ADD2: variants seen among roughly 807,000 people sequenced by gnomAD.
ADD2 encodes adducin 2, also known as beta-adducin.
ADD2 carries 23 observed loss-of-function variants against 83.0 expected under a neutral mutation model. That is an observed-to-expected ratio of 0.28 (90% CI 0.20 to 0.39). ADD2 has a LOEUF of 0.39. Among genes scored for constraint, ADD2 ranks in the 10% least tolerant of loss-of-function variants. ADD2 has a pLI of 1.00. For missense variants in ADD2, 758 were observed against 944.9 expected (o/e 0.80, Z 2.59); for synonymous variants, 375 against 375.4 (o/e 1.00, Z 0.01).
At chr2:70,683,794 G>GCC in intron 9 of ADD2, 27 bp from the exon 10 acceptor site, 1 of 1,597,148 alleles carries the variant, frequency 6.3e-7, no homozygotes, top group Non-Finnish European at 8.6e-7. Flanking sequence ...AGAGCCCTCA[G>GCC]CCCATGTGCA....
chr2:70,673,386 G>T (rs782540090), intron 14 of ADD2: 12 of 1,479,888 alleles, frequency 8.1e-6, no homozygotes, highest in Middle Eastern at 2.2e-4. Flanking sequence ...ACGGGTAAGA[G>T]GTGGACCCAC....
intron 1 of ADD2, 131 bp from the exon 2 acceptor site, chr2:70,713,315 T>C (rs56112960): frequency 0.044 from 13,240 of 297,866 alleles, 419 homozygotes; most frequent in Non-Finnish European, 0.056. Flanking sequence ...AAATTATGCC[T>C]TTAAAAAGGT....
At chr2:70,673,191 G>A (rs782047920) in intron 14 of ADD2, 185 bp from the exon 15 acceptor site, 2 of 1,597,518 alleles carry the variant, frequency 1.3e-6, no homozygotes, top group Admixed American at 1.7e-5. Flanking sequence ...TCCCTGGGAA[G>A]GCCAATGGGA....
At chr2:70,732,022 C>T (rs1673307747) in intron 1 of ADD2, among the ~76,000 whole-genome samples, 1 of 152,178 alleles carries the variant, frequency 6.6e-6, no homozygotes, top group South Asian at 2.1e-4. Context: ...CACTGATATT[C>T]TGTGGGACCT....
chr2:70,726,043 C>T (rs10202638), intron 1 of ADD2, among the ~76,000 whole-genome samples: 40,100 of 151,168 alleles, frequency 0.27, 6,320 homozygotes, highest in African/African-American at 0.45. Flanking sequence ...AAAAATTAGC[C>T]GGGCGTAGTG....
At position 70,706,474 on chromosome 2, in the gene ADD2, G is replaced by GT; in HGVS notation, c.-34-33dup. 4.6e-6 allele frequency: 7 copies of GT among 1,533,344 alleles called. No homozygotes were observed. The highest frequency in any genetic ancestry group is 6.1e-6 in the Non-Finnish European group (7 of 1,140,546). 95.0% of individuals were successfully genotyped at this position (1,533,344 alleles called of 1,614,324 possible). On this transcript the variant is annotated intron_variant, in intron 2 of 15. Transcript: ENST00000264436. This position sits in a 1 kb window ranked among gnomAD's most constrained non-coding sequence, Gnocchi z 5.0. ...AGAAGGGGAGAGGGTATGCGGTCAG[G>GT]TTGGTGCTCCCCATCGGGGTACACG... is the stretch of plus-strand genomic sequence containing the variant.
intron 2 of ADD2, among the ~76,000 whole-genome samples, chr2:70,708,454 T>A (rs1672016386): frequency 6.6e-6 from 1 of 152,226 alleles, no homozygotes; most frequent in Non-Finnish European, 1.5e-5. Context: ...TAATCCCTAG[T>A]GAGCAGCCTC....
chr2:70,741,590 G>T (rs544846849), intron 1 of ADD2, among the ~76,000 whole-genome samples: 2 of 152,134 alleles, frequency 1.3e-5, no homozygotes, highest in African/African-American at 4.8e-5. Context: ...ATTCCCATAC[G>T]TATTTTTCTA....
At chr2:70,744,032 G>A (rs979479250) in intron 1 of ADD2, among the ~76,000 whole-genome samples, 4 of 152,164 alleles carry the variant, frequency 2.6e-5, no homozygotes, top group African/African-American at 9.7e-5. Context: ...CAGGTAAGGA[G>A]CTTATTTTTA....
At chr2:70,755,647 A>G (rs1286188175) in intron 1 of ADD2, among the ~76,000 whole-genome samples, 4 of 152,200 alleles carry the variant, frequency 2.6e-5, no homozygotes, top group African/African-American at 9.7e-5. Flanking sequence ...CTCATCATCT[A>G]GTACACCTCC....
chr2:70,723,610 C>T (rs1288192037), intron 1 of ADD2, among the ~76,000 whole-genome samples: 2 of 152,212 alleles, frequency 1.3e-5, no homozygotes, highest in African/African-American at 4.8e-5. Context: ...ACTTTTCCGT[C>T]TGAGCAGGTA....
chr2:70,728,083 A>G (rs1324106979), intron 1 of ADD2, among the ~76,000 whole-genome samples: 1 of 152,158 alleles, frequency 6.6e-6, no homozygotes, highest in Non-Finnish European at 1.5e-5. Context: ...AAGTGGATTT[A>G]GAAGAAACAC....
At chr2:70,685,528 C>A (rs1018240069) in intron 9 of ADD2, among the ~76,000 whole-genome samples, 1 of 152,162 alleles carries the variant, frequency 6.6e-6, no homozygotes, top group African/African-American at 2.4e-5. Flanking sequence ...CACCAGGCTG[C>A]CCAGGTTTGA....
At chr2:70,754,106 G>A (rs561358511) in intron 1 of ADD2, among the ~76,000 whole-genome samples, 2 of 152,248 alleles carry the variant, frequency 1.3e-5, no homozygotes, top group East Asian at 3.9e-4. Context: ...TCAAGGGAGG[G>A]AGTTCCTACA....
chr2:70,763,720 CCATG>C (rs1234135646), intron 1 of ADD2, among the ~76,000 whole-genome samples: 1 of 151,820 alleles, frequency 6.6e-6, no homozygotes, highest in Non-Finnish European at 1.5e-5. Flanking sequence ...TATAATATCA[CCATG>C]CAATCAATGC....
chr2:70,715,659 C>G (rs1672424749), intron 1 of ADD2, among the ~76,000 whole-genome samples: 1 of 152,158 alleles, frequency 6.6e-6, no homozygotes, highest in Non-Finnish European at 1.5e-5. Context: ...CATTAAAACA[C>G]TCAGGGGCCT....
At chr2:70,709,289 C>T (rs1345900464) in intron 2 of ADD2, among the ~76,000 whole-genome samples, 9 of 144,928 alleles carry the variant, frequency 6.2e-5, no homozygotes, top group Non-Finnish European at 9.0e-5. Context: ...GATGAAGGGT[C>T]GGAGGTAGGG....
intron 6 of ADD2, among the ~76,000 whole-genome samples, chr2:70,692,783 G>A (rs1671114060): frequency 6.6e-6 from 1 of 152,216 alleles, no homozygotes; most frequent in Non-Finnish European, 1.5e-5. Flanking sequence ...TGCGAGAGCA[G>A]AGTTTCTCAG....
At chr2:70,665,004 C>G (rs553918213) in intron 15 of ADD2, among the ~76,000 whole-genome samples, 2 of 151,830 alleles carry the variant, frequency 1.3e-5, no homozygotes, top group East Asian at 3.9e-4. Context: ...GTGTGACACA[C>G]CTGTGTGGTG....
Sources: gnomAD v4.1 joint callset for allele counts (sites outside exome capture counted in the v4.1 genomes callset) on GRCh38, gnomAD v4.1.1 for gene constraint, Gnocchi (gnomAD v3.1) non-coding constraint, MANE v1.5 for transcripts, NCBI Gene and HGNC (gene_info 2026-07-23, HGNC 2026-07-21) for gene names.